SNX29: variants seen among roughly 807,000 people sequenced by gnomAD.
SNX29 encodes the protein sorting nexin-29.
Under a neutral mutation model 102.1 loss-of-function variants are expected in SNX29, and 78 were observed. That is an observed-to-expected ratio of 0.76 (90% confidence interval 0.64 to 0.92). The LOEUF (loss-of-function observed/expected upper bound fraction) is 0.92. Among genes scored for constraint, SNX29 ranks in the 40% least tolerant of loss-of-function variants. The pLI is 0.00. For synonymous variants in SNX29, 580 were observed against 414.5 expected (o/e 1.40, Z -4.85); for missense variants, 1,280 against 1,061.7 (o/e 1.21, Z -2.86).
chr16:12,386,840 C>T (rs1349042385), intron 16 of SNX29, among the ~76,000 whole-genome samples: 2 of 152,144 alleles, frequency 1.3e-5, no homozygotes, highest in African/African-American at 2.4e-5. Flanking sequence ...AGAGCCACAC[C>T]TAGGTCGGGC....
chr16:12,061,557 A>G lies in SNX29; in HGVS notation c.1154A>G (p.Gln385Arg), dbSNP rs1567171347. Reference sequence around the variant, plus strand: ...CTGGAAGGGAACACCTGCCTCTCCCAGATGCACAGCTGGGCTCCGCTGAAG... The same window carrying G: ...CTGGAAGGGAACACCTGCCTCTCCCGGATGCACAGCTGGGCTCCGCTGAAG... ...KPLEGNTCLSQMHSWAPLKVL... is the reference protein window; with the variant it reads ...KPLEGNTCLSRMHSWAPLKVL... Residue 385 changes from glutamine (Q) to arginine (R), a missense_variant, in exon 9 of 21, where the codon CAG (glutamine) becomes CGG (arginine). Physicochemically the swap from Gln to Arg is conservative, Grantham distance 43 (BLOSUM62 1). Transcript: ENST00000566228. 1.2e-6 allele frequency: 2 copies of G among 1,609,540 alleles called. No homozygotes were observed.
At chr16:12,151,557 C>T (rs1014227359) in intron 13 of SNX29, among the ~76,000 whole-genome samples, 2 of 152,208 alleles carry the variant, frequency 1.3e-5, no homozygotes, top group African/African-American at 2.4e-5. Flanking sequence ...AGCATCTTCA[C>T]TGTTTGTTCT....
At chr16:12,544,268 GACTTTACACTCTCAGT>G (rs1387845532) in intron 20 of SNX29, among the ~76,000 whole-genome samples, 14 of 152,194 alleles carry the variant, frequency 9.2e-5, no homozygotes, top group Non-Finnish European at 1.8e-4. Context: ...TGCAACTCAG[GACTTTACACTCTCAGT>G]ACGGCATCCA....
chr16:12,369,887 A>G (rs533713741), intron 16 of SNX29, among the ~76,000 whole-genome samples: 9 of 152,276 alleles, frequency 5.9e-5, no homozygotes, highest in East Asian at 1.9e-4. Context: ...CTGATGTTCT[A>G]TGTATTTTTT....
intron 20 of SNX29, chr16:12,526,748 G>A (rs892171921): frequency 6.7e-6 from 3 of 450,268 alleles, no homozygotes; most frequent in Non-Finnish European, 1.3e-5. Context: ...GTGTGAGCAG[G>A]AGGCGCTGCC....
chr16:12,512,440 G>A (rs558868478), intron 19 of SNX29, among the ~76,000 whole-genome samples: 1 of 135,782 alleles, frequency 7.4e-6, no homozygotes, highest in Non-Finnish European at 1.6e-5. Context: ...TTGAGACAGG[G>A]TCTCCCTCTG....
chr16:12,059,526 G>A (rs774417419), intron 8 of SNX29, among the ~76,000 whole-genome samples: 2 of 152,220 alleles, frequency 1.3e-5, no homozygotes, highest in Non-Finnish European at 2.9e-5. Context: ...AATTCTGCTA[G>A]GATTATTTCC....
chr16:12,298,273 A>G (rs1174887340), intron 15 of SNX29, among the ~76,000 whole-genome samples: 6 of 152,350 alleles, frequency 3.9e-5, no homozygotes, highest in South Asian at 2.1e-4. Context: ...TCATAATGCA[A>G]TGAATAACTG....
intron 18 of SNX29, among the ~76,000 whole-genome samples, chr16:12,474,724 G>A (rs1454707058): frequency 6.6e-6 from 1 of 152,212 alleles, no homozygotes; most frequent in Non-Finnish European, 1.5e-5. Flanking sequence ...GCTTTACCCT[G>A]TGGGCTGTTC....
At chr16:12,395,795 C>A (rs1263346421) in intron 16 of SNX29, among the ~76,000 whole-genome samples, 4 of 151,534 alleles carry the variant, frequency 2.6e-5, no homozygotes, top group Non-Finnish European at 5.9e-5. Flanking sequence ...CTCTTTATTG[C>A]CAGAATATAA....
Position 12,158,361 on chromosome 16 carries a change from G to A in SNX29, c.1595+28603G>A, listed in dbSNP as rs546739093. On this transcript the variant is annotated intron_variant, in intron 13 of 20. Coordinates refer to ENST00000566228, the MANE Select transcript of SNX29 (RefSeq NM_032167.5). Reference sequence around the variant, plus strand: ...ATTACAGACGTGCGCCACCACACCCGGCTAATTTTTGTATTTTTAGTAGAG... The same window carrying A: ...ATTACAGACGTGCGCCACCACACCCAGCTAATTTTTGTATTTTTAGTAGAG... Among the ~76,000 whole-genome samples, 218 of 152,012 alleles carry A rather than the reference G, an allele frequency of 1.4e-3. 1 individual carries two copies. The highest frequency in any genetic ancestry group is 2.1e-3 in the Non-Finnish European group (145 of 67,982).
intron 15 of SNX29, among the ~76,000 whole-genome samples, chr16:12,293,131 G>A (rs1054227750): frequency 5.9e-5 from 9 of 152,318 alleles, no homozygotes; most frequent in African/African-American, 2.2e-4. Flanking sequence ...TCAAAGAGAT[G>A]CGGTCTTGCT....
At chr16:12,542,064 C>G (rs375885414) in intron 20 of SNX29, among the ~76,000 whole-genome samples, 125 of 152,064 alleles carry the variant, frequency 8.2e-4, no homozygotes, top group African/African-American at 2.8e-3. Context: ...TATTCCTAGT[C>G]ACCAGTTAGT....
At chr16:12,310,311 C>T (rs1222510901) in intron 15 of SNX29, among the ~76,000 whole-genome samples, 3 of 152,180 alleles carry the variant, frequency 2.0e-5, no homozygotes, top group Non-Finnish European at 2.9e-5. Context: ...TTCTCATTCC[C>T]CTCCTAGGTT....
intron 17 of SNX29, among the ~76,000 whole-genome samples, chr16:12,401,139 C>G (rs11642126): frequency 6.6e-6 from 1 of 151,884 alleles, no homozygotes; most frequent in African/African-American, 2.4e-5. Flanking sequence ...CCTCAGTACC[C>G]CACTTTTAAT....
chr16:12,540,232 T>C (rs1275812500), intron 20 of SNX29, among the ~76,000 whole-genome samples: 1 of 152,162 alleles, frequency 6.6e-6, no homozygotes, highest in African/African-American at 2.4e-5. Context: ...TTCCTGTGGC[T>C]GACCCGCTCC....
chr16:12,540,505 C>G (rs895885908), intron 20 of SNX29, among the ~76,000 whole-genome samples: 4 of 152,230 alleles, frequency 2.6e-5, no homozygotes, highest in Non-Finnish European at 4.4e-5. Context: ...GGCGCCTTCT[C>G]GAGGTTGTGG....
intron 18 of SNX29, among the ~76,000 whole-genome samples, chr16:12,405,021 T>G (rs887282374): frequency 2.0e-5 from 3 of 152,238 alleles, no homozygotes; most frequent in African/African-American, 7.2e-5. Context: ...AGCTCCGGTT[T>G]AAAGGGAGAA....
intron 4 of SNX29, among the ~76,000 whole-genome samples, chr16:12,037,046 T>G (rs3851006): frequency 0.38 from 57,074 of 151,840 alleles, 11,255 homozygotes; most frequent in Middle Eastern, 0.45. Flanking sequence ...CTCGCTACAT[T>G]ATGGGGTGGA....
Sources: allele counts gnomAD v4.1 joint callset (sites outside exome capture counted in the v4.1 genomes callset), GRCh38; gene constraint gnomAD v4.1.1; transcripts MANE v1.5; gene names NCBI Gene and HGNC (gene_info 2026-07-23, HGNC 2026-07-21).